ARMH4: variants seen among roughly 807,000 people sequenced by gnomAD.
ARMH4 encodes armadillo like helical domain containing 4, also known as armadillo-like helical domain-containing protein 4.
In ARMH4, 49 loss-of-function variants were observed where a neutral mutation model predicts 61.9. The ratio of observed to expected loss-of-function variants is 0.79; its 90% confidence interval spans 0.63 to 1.00. ARMH4 has a LOEUF of 1.00. Ranked by LOEUF, ARMH4 falls within the 50% of genes least tolerant of loss-of-function variation. The pLI, the probability that ARMH4 is intolerant of heterozygous loss-of-function variation, is 0.00. For synonymous variants in ARMH4, 368 were observed against 341.5 expected (o/e 1.08, Z -0.85); for missense variants, 934 against 930.0 (o/e 1.00, Z -0.06).
At chr14:58,049,703 CA>C (rs918537404) in intron 5 of ARMH4, among the ~76,000 whole-genome samples, 2 of 148,652 alleles carry the variant, frequency 1.3e-5, no homozygotes, top group Non-Finnish European at 3.0e-5. Flanking sequence ...GTGGCTGTCA[CA>C]AAAAAAAATA....
intron 5 of ARMH4, among the ~76,000 whole-genome samples, chr14:58,016,618 A>G (rs1392321398): frequency 1.3e-5 from 2 of 152,222 alleles, no homozygotes; most frequent in Non-Finnish European, 2.9e-5. Flanking sequence ...TTTGCAAACT[A>G]AAGTTGACAG....
intron 5 of ARMH4, among the ~76,000 whole-genome samples, chr14:58,032,341 G>T (rs1234128144): frequency 6.6e-6 from 1 of 152,112 alleles, no homozygotes; most frequent in African/African-American, 2.4e-5. Flanking sequence ...CCAATGAAGG[G>T]TAAGTCTATT....
intron 1 of ARMH4, among the ~76,000 whole-genome samples, chr14:58,140,803 T>C (rs1437826258): frequency 6.6e-6 from 1 of 152,046 alleles, no homozygotes; most frequent in African/African-American, 2.4e-5. Flanking sequence ...CTTGGGAGGC[T>C]GAGGAAGGAG....
At chr14:58,083,679 A>G (rs1885297584) in intron 5 of ARMH4, among the ~76,000 whole-genome samples, 1 of 152,252 alleles carries the variant, frequency 6.6e-6, no homozygotes, top group South Asian at 2.1e-4. Context: ...ACTGCCTTTG[A>G]ACTATTTTAC....
intron 4 of ARMH4, among the ~76,000 whole-genome samples, chr14:58,108,221 C>T (rs985753063): frequency 6.6e-6 from 1 of 152,152 alleles, no homozygotes; most frequent in Non-Finnish European, 1.5e-5. Flanking sequence ...TCCAGCAACT[C>T]ACAGTTAAGC....
chr14:58,086,811 G>A (rs930332756), intron 5 of ARMH4, among the ~76,000 whole-genome samples: 1 of 152,102 alleles, frequency 6.6e-6, no homozygotes, highest in Non-Finnish European at 1.5e-5. Flanking sequence ...CAAAAGGAAG[G>A]GCTCAGCGTG....
At chr14:58,099,920 G>A (rs1455439446) in intron 4 of ARMH4, among the ~76,000 whole-genome samples, 1 of 152,152 alleles carries the variant, frequency 6.6e-6, no homozygotes, top group Non-Finnish European at 1.5e-5. Context: ...CTGTAAAACT[G>A]ATATTATTCC....
intron 2 of ARMH4, among the ~76,000 whole-genome samples, chr14:58,135,297 GA>G: frequency 6.6e-6 from 1 of 152,176 alleles, no homozygotes; most frequent in East Asian, 1.9e-4. Flanking sequence ...AATCCCTAGA[GA>G]GCCAGGATTC....
chr14:58,025,577 G>A (rs983685891), intron 5 of ARMH4, among the ~76,000 whole-genome samples: 1 of 152,142 alleles, frequency 6.6e-6, no homozygotes, highest in African/African-American at 2.4e-5. Flanking sequence ...AATAAATGGA[G>A]ACCAGCTCTT....
At chr14:58,141,632 C>T (rs912846663) in intron 1 of ARMH4, 3 of 437,190 alleles carry the variant, frequency 6.9e-6, no homozygotes, top group Admixed American at 2.8e-5. Context: ...TGCGGCCACA[C>T]CAACAACCTG....
chr14:58,138,970 T>A lies in ARMH4; in HGVS notation c.389A>T (p.Gln130Leu). The A allele has an allele frequency of 6.2e-7, 1 of 1,614,256 alleles. No homozygotes were observed. Among genetic ancestry groups the A allele is most frequent in the Middle Eastern group, 1.6e-4 (1 of 6,062 alleles). ...ACTTTCAGGAGATATTCTCTCTGGCTGGCTGGAACCAAATACTTCTTCAGC... is the reference window on the plus strand; with the variant it reads ...ACTTTCAGGAGATATTCTCTCTGGCAGGCTGGAACCAAATACTTCTTCAGC... Reference protein sequence around the residue: ...PSAEEVFGSSQPERISPESGL... With the variant: ...PSAEEVFGSSLPERISPESGL... The change falls in exon 2 of 8, where the codon CAG becomes CTG. Residue 130 changes from glutamine to leucine, a missense_variant. Gln to Leu is a moderately radical substitution (Grantham distance 113, BLOSUM62 -2). Coordinates refer to ENST00000267485, the MANE Select transcript of ARMH4 (RefSeq NM_001001872.4).
intron 5 of ARMH4, among the ~76,000 whole-genome samples, chr14:58,079,872 C>T (rs1885163022): frequency 6.6e-6 from 1 of 152,022 alleles, no homozygotes. Context: ...ACTACTCTAA[C>T]CAGCCACAGA....
chr14:58,014,518 G>A (rs1466718256), intron 5 of ARMH4, among the ~76,000 whole-genome samples: 1 of 152,132 alleles, frequency 6.6e-6, no homozygotes, highest in African/African-American at 2.4e-5. Flanking sequence ...AATAACAAAT[G>A]CAAAGTGTTT....
chr14:58,117,429 A>G lies in ARMH4; in HGVS notation c.1831+14083T>C, dbSNP rs964459675. Reference sequence around the variant, plus strand: ...TATTGACTATGCAAAAATATGTATGAAAGTAGATTTCCCCTTCAAAATGTA... The same window carrying G: ...TATTGACTATGCAAAAATATGTATGGAAGTAGATTTCCCCTTCAAAATGTA... On this transcript the variant is annotated intron_variant, in intron 4 of 7. Transcript: ENST00000267485. Among the ~76,000 whole-genome samples the G allele has an allele frequency of 6.6e-5, 10 of 152,246 alleles. 1 individual carries two copies. The highest frequency in any genetic ancestry group is 1.5e-4 in the Non-Finnish European group (10 of 68,048).
rs937217560 is a variant in ARMH4, at chr14:58,123,712, C to T, written c.1831+7800G>A. Among the ~76,000 whole-genome samples, 3 of 152,166 alleles carry T rather than the reference C, an allele frequency of 2.0e-5. No individual in the cohort carries two copies. The East Asian group carries it at 5.8e-4, about 29-fold the overall frequency. ...TTTGCCTTTGAAGATCCTTCAAACC[C>T]AACGTCTCAACTCACCTGGACTGTT... On this transcript the variant is annotated intron_variant, in intron 4 of 7. Transcript: ENST00000267485.
intron 4 of ARMH4, among the ~76,000 whole-genome samples, chr14:58,108,389 C>T (rs1460551206): frequency 1.3e-5 from 2 of 152,170 alleles, no homozygotes; most frequent in Non-Finnish European, 2.9e-5. Flanking sequence ...CCCCAAAGAA[C>T]TCACTATTCA....
Position 58,031,839 on chromosome 14 carries a change from A to C in ARMH4, c.2090-19689T>G, listed in dbSNP as rs373910008. ...TATACTTCCAAGCCACGCCACCTTC[A>C]TTTTCACCTTAGTACCACAAGGGTG... On this transcript the variant is annotated intron_variant, in intron 5 of 7. Transcript: ENST00000267485. Among the ~76,000 whole-genome samples, 9 of 152,146 alleles carry C rather than the reference A, an allele frequency of 5.9e-5. No homozygotes were observed. The East Asian group carries it at 1.5e-3, about 26-fold the overall frequency.
At chr14:58,022,512 T>C (rs888505297) in intron 5 of ARMH4, among the ~76,000 whole-genome samples, 1 of 152,216 alleles carries the variant, frequency 6.6e-6, no homozygotes, top group Non-Finnish European at 1.5e-5. Flanking sequence ...ACATGTGTTC[T>C]ACACAGCTTC....
At chr14:58,147,029 C>T (rs532114825) in intron 1 of ARMH4, among the ~76,000 whole-genome samples, 1 of 152,298 alleles carries the variant, frequency 6.6e-6, no homozygotes, top group East Asian at 1.9e-4. Context: ...CAGAGAGCTG[C>T]TATGGGGTAG....
Sources: gnomAD v4.1 joint callset for allele counts (sites outside exome capture counted in the v4.1 genomes callset) on GRCh38, gnomAD v4.1.1 for gene constraint, MANE v1.5 for transcripts, NCBI Gene and HGNC (gene_info 2026-07-23, HGNC 2026-07-21) for gene names.